EML6: variants seen among roughly 807,000 people sequenced by gnomAD.
EML6 encodes EMAP like 6.
Under a neutral mutation model 240.1 loss-of-function variants are expected in EML6, and 154 were observed. That is an observed-to-expected ratio of 0.64 (90% CI 0.56 to 0.73). EML6 has a LOEUF of 0.73. Among genes scored for constraint, EML6 ranks in the 30% least tolerant of loss-of-function variants. The pLI, the probability that EML6 is intolerant of heterozygous loss-of-function variation, is 0.00. For synonymous variants in EML6, 1,148 were observed against 899.0 expected, an observed-to-expected ratio of 1.28 and a Z score of -4.95; for missense variants, 2,964 against 2,474.6, an observed-to-expected ratio of 1.20 and a Z score of -4.20.
intron 2 of EML6, among the ~76,000 whole-genome samples, chr2:54,760,820 G>T (rs1236637249): frequency 7.6e-6 from 1 of 130,902 alleles, no homozygotes; most frequent in African/African-American, 3.5e-5. Flanking sequence ...AGTTGAGGGA[G>T]CATTTTTTTT....
At chr2:54,883,337 C>G (rs1349111866) in intron 17 of EML6, among the ~76,000 whole-genome samples, 1 of 151,866 alleles carries the variant, frequency 6.6e-6, no homozygotes, top group African/African-American at 2.4e-5. Flanking sequence ...CTGTCTTGTT[C>G]TATATTATTC....
At chr2:54,888,951 A>T (rs950205574) in intron 17 of EML6, among the ~76,000 whole-genome samples, 3 of 152,220 alleles carry the variant, frequency 2.0e-5, no homozygotes, top group African/African-American at 7.2e-5. Context: ...GTCTTTCAAA[A>T]TAGCTGTATC....
Position 54,927,257 on chromosome 2 carries a change from C to T in EML6, c.3676-1056C>T, listed in dbSNP as rs78903197. Among the ~76,000 whole-genome samples the T allele has an allele frequency of 6.7e-3, 1,023 of 152,328 alleles. 7 individuals are homozygous for T. Among genetic ancestry groups the T allele is most frequent in the African/African-American group, 0.02 (849 of 41,578 alleles). ...CCATCAGCTAGTAGTTGGCCAAATACAGGGCGATCTTGACTAGGAGTATTA... is the reference window on the plus strand; with the variant it reads ...CCATCAGCTAGTAGTTGGCCAAATATAGGGCGATCTTGACTAGGAGTATTA... On this transcript the variant is annotated intron_variant, in intron 26 of 41. Coordinates refer to ENST00000356458, the MANE Select transcript of EML6 (RefSeq NM_001039753.4).
chr2:54,889,580 T>G (rs1195422543), intron 17 of EML6, among the ~76,000 whole-genome samples: 1 of 151,996 alleles, frequency 6.6e-6, no homozygotes, highest in Admixed American at 6.6e-5. Flanking sequence ...CTCCATTATA[T>G]TTTTCAACCA....
chr2:54,853,616 T>G (rs993515883), intron 10 of EML6, 27 bp from the exon 11 acceptor site: 7 of 1,303,300 alleles, frequency 5.4e-6, no homozygotes, highest in Non-Finnish European at 7.3e-6. Flanking sequence ...TTTATTTAAA[T>G]GTAATGTTAA....
At chr2:54,930,536 A>C (rs1674800566) in intron 28 of EML6, among the ~76,000 whole-genome samples, 1 of 152,154 alleles carries the variant, frequency 6.6e-6, no homozygotes, top group African/African-American at 2.4e-5. Context: ...TTTTATCAAA[A>C]GGAAAAAGCC....
At chr2:54,900,019 T>C (rs901942978) in intron 22 of EML6, among the ~76,000 whole-genome samples, 10 of 152,198 alleles carry the variant, frequency 6.6e-5, no homozygotes, top group Non-Finnish European at 1.5e-4. Flanking sequence ...TGCACAGATA[T>C]TTGCCACCTG....
intron 39 of EML6, 94 bp from the exon 40 acceptor site, chr2:54,968,034 C>A: frequency 1.6e-6 from 2 of 1,255,686 alleles, no homozygotes; most frequent in Admixed American, 4.1e-5. Flanking sequence ...TGTTAAACAT[C>A]CCTCTCTTCC....
chr2:54,949,535 G>A (rs1442367730), intron 29 of EML6, among the ~76,000 whole-genome samples: 1 of 152,166 alleles, frequency 6.6e-6, no homozygotes, highest in South Asian at 2.1e-4. Context: ...CTCAATTGTT[G>A]AGACTAGGCT....
At chr2:54,962,843 A>C (rs1573225568) in intron 36 of EML6, 132 bp downstream of exon 36, 1 of 611,804 alleles carries the variant, frequency 1.6e-6, no homozygotes. Flanking sequence ...GAGTTAGAAA[A>C]CCTAACGATA....
chr2:54,955,959 A>G (rs910452476), intron 32 of EML6, among the ~76,000 whole-genome samples: 2 of 152,162 alleles, frequency 1.3e-5, no homozygotes, highest in Non-Finnish European at 2.9e-5. Context: ...CATACATTTT[A>G]TGTATCACTA....
At chr2:54,923,761 A>G (rs983834261) in intron 26 of EML6, among the ~76,000 whole-genome samples, 6 of 152,252 alleles carry the variant, frequency 3.9e-5, no homozygotes, top group Admixed American at 3.9e-4. Context: ...TTGCCACCCC[A>G]GGCTGCTTCC....
chr2:54,793,142 C>G (rs533887874), intron 2 of EML6, among the ~76,000 whole-genome samples: 2 of 152,174 alleles, frequency 1.3e-5, no homozygotes, highest in East Asian at 3.9e-4. Flanking sequence ...TGGTGCATGC[C>G]TGTAATCTCA....
intron 37 of EML6, among the ~76,000 whole-genome samples, 200 bp downstream of exon 37, chr2:54,964,358 T>G (rs923222132): frequency 6.6e-6 from 1 of 152,238 alleles, no homozygotes; most frequent in Non-Finnish European, 1.5e-5. Context: ...TGGTTAAAAT[T>G]ACTTGTAAAT....
chr2:54,820,363 T>A, intron 4 of EML6, 31 bp from the exon 5 acceptor site: 2 of 1,479,396 alleles, frequency 1.4e-6, no homozygotes, highest in East Asian at 2.5e-5. Flanking sequence ...TACCAAATGA[T>A]CAACATGGCA....
intron 2 of EML6, among the ~76,000 whole-genome samples, chr2:54,807,940 G>C (rs1384959564): frequency 6.6e-6 from 1 of 152,148 alleles, no homozygotes; most frequent in Non-Finnish European, 1.5e-5. Context: ...AGTAAGTATA[G>C]CATACAGTTA....
intron 2 of EML6, among the ~76,000 whole-genome samples, chr2:54,808,441 T>TG (rs1394691781): frequency 6.6e-6 from 1 of 151,930 alleles, no homozygotes; most frequent in Non-Finnish European, 1.5e-5. Flanking sequence ...GCCTCTGACA[T>TG]GGAAAAGCTG....
chr2:54,862,359 A>AC, intron 12 of EML6, among the ~76,000 whole-genome samples: 1 of 151,088 alleles, frequency 6.6e-6, no homozygotes, highest in South Asian at 2.1e-4. Flanking sequence ...AAAAAAAAAA[A>AC]AAAAAACTTT....
upstream of EML6, chr2:54,723,603 G>T (rs1222205295): frequency 6.6e-6 from 1 of 152,254 alleles, no homozygotes; most frequent in African/African-American, 2.4e-5. Flanking sequence ...CTAGCGCGGC[G>T]TTGTGGCCCC....
Sources: gnomAD v4.1 joint callset for allele counts (sites outside exome capture counted in the v4.1 genomes callset) on GRCh38, gnomAD v4.1.1 for gene constraint, MANE v1.5 for transcripts, NCBI Gene and HGNC (gene_info 2026-07-23, HGNC 2026-07-21) for gene names.